SLIT3: variants seen among roughly 807,000 people sequenced by gnomAD.
The protein encoded by SLIT3 is slit homolog 3 protein.
SLIT3 carries 68 observed loss-of-function variants against 184.0 expected under a neutral mutation model. The ratio of observed to expected loss-of-function variants is 0.37; its 90% CI spans 0.30 to 0.45. The LOEUF (loss-of-function observed/expected upper bound fraction) is 0.45, where lower values mean the gene tolerates loss of function less well. Ranked by LOEUF, SLIT3 falls within the 20% of genes least tolerant of loss-of-function variation. SLIT3 has a pLI of 1.00. For synonymous variants in SLIT3, 831 were observed against 828.6 expected (o/e 1.00, Z -0.05); for missense variants, 1,707 against 2,026.0 (o/e 0.84, Z 3.02).
intron 4 of SLIT3, among the ~76,000 whole-genome samples, chr5:169,179,850 T>A (rs1041959046): frequency 2.0e-5 from 3 of 152,154 alleles, no homozygotes; most frequent in African/African-American, 7.2e-5. Context: ...TCTCATTTGC[T>A]CATTTCCAGA....
chr5:168,842,479 T>TGTTTTTG (rs1554147709), intron 6 of SLIT3, among the ~76,000 whole-genome samples: 1 of 145,542 alleles, frequency 6.9e-6, no homozygotes, highest in East Asian at 2.0e-4. Context: ...GTTTTTTTTT[T>TGTTTTTG]TTTTTTTTGT....
At chr5:168,861,538 C>T (rs1448228373) in intron 5 of SLIT3, among the ~76,000 whole-genome samples, 1 of 151,988 alleles carries the variant, frequency 6.6e-6, no homozygotes, top group African/African-American at 2.4e-5. Context: ...GTAAAATGGG[C>T]AAAGAAAGGA....
intron 4 of SLIT3, among the ~76,000 whole-genome samples, chr5:169,060,390 T>A (rs375724572): frequency 2.0e-5 from 3 of 151,174 alleles, no homozygotes; most frequent in Non-Finnish European, 4.4e-5. Flanking sequence ...AGACTCCATC[T>A]CAAACAAACA....
rs1292879189 is a variant in SLIT3 at position 169,187,543 on chromosome 5, TTTTC to T, written c.413+5932_413+5935del. 4.1e-3 allele frequency among the ~76,000 whole-genome samples: 502 copies of T among 121,314 alleles called. 6 individuals are homozygous for T. Among genetic ancestry groups the T allele is most frequent in the Admixed American group, 4.9e-3 (58 of 11,848 alleles). 79.6% of individuals were successfully genotyped at this position (121,314 alleles called of 152,430 possible). On this transcript the variant is annotated intron_variant, in intron 4 of 35. Coordinates refer to ENST00000519560, the MANE Select transcript of SLIT3 (RefSeq NM_003062.4). The stretch of plus-strand genomic sequence containing the variant: ...CAAGGATAAACTTTTTTTCTTTTCT[TTTTC>T]TTTCTTTCTTTCTTTTTTTTTTTTT...
intron 20 of SLIT3, among the ~76,000 whole-genome samples, chr5:168,735,270 T>C (rs1300244903): frequency 6.6e-6 from 1 of 152,168 alleles, no homozygotes; most frequent in Non-Finnish European, 1.5e-5. Flanking sequence ...CCATTCCTGT[T>C]TGGAGCTTTG....
chr5:168,932,809 CTA>C (rs1762035071), intron 4 of SLIT3, among the ~76,000 whole-genome samples: 1 of 152,356 alleles, frequency 6.6e-6, no homozygotes, highest in East Asian at 1.9e-4. Context: ...CATGTAAAGA[CTA>C]GCAGCCTAGG....
intron 10 of SLIT3, 64 bp downstream of exon 10, chr5:168,795,443 C>G (rs1226535426): frequency 1.6e-6 from 2 of 1,282,142 alleles, no homozygotes; most frequent in African/African-American, 2.9e-5. Flanking sequence ...TTGCCCACTA[C>G]ACATTGCAAA....
rs533272637 is a variant in SLIT3 at position 169,061,935 on chromosome 5, G to C, written c.413+131544C>G. On this transcript the variant is annotated intron_variant, in intron 4 of 35. Coordinates refer to ENST00000519560, the MANE Select transcript of SLIT3 (RefSeq NM_003062.4). ...AGACTGAGTCTATCCCACTGCCTTG[G>C]GGACAGTTAGAATTTACGCCACCCC... is the stretch of plus-strand genomic sequence containing the variant. Among the ~76,000 whole-genome samples, 416 of 152,244 alleles carry C rather than the reference G, an allele frequency of 2.7e-3. 1 individual carries two copies. The highest frequency in any genetic ancestry group is 9.5e-3 in the African/African-American group (394 of 41,544).
chr5:168,700,524 T>G, intron 27 of SLIT3, 58 bp downstream of exon 27: 1 of 1,201,608 alleles, frequency 8.3e-7, no homozygotes, highest in Non-Finnish European at 1.2e-6. Context: ...GGGTATGTCT[T>G]TATTAGCAGT....
In SLIT3 at chr5:168,684,052, G is replaced by T; in HGVS notation, c.3600C>A (p.Asp1200Glu). 6.2e-7 allele frequency: 1 copy of T among 1,607,958 alleles called. No homozygotes were observed. The highest frequency in any genetic ancestry group is 8.5e-7 in the Non-Finnish European group (1 of 1,176,946). ...ACAGCTCCAGTGCCAGGGGGTCATT[G>T]TCTCCTTTGTAGAGAAGGATGCCGT... ...KDNGILLYKG[D>E]NDPLALELYQ... Residue 1200 changes from aspartate (D) to glutamate (E), a missense_variant, in exon 32 of 36, where the codon GAC (aspartate) becomes GAA (glutamate). Coordinates refer to ENST00000519560, the MANE Select transcript of SLIT3 (RefSeq NM_003062.4).
intron 4 of SLIT3, among the ~76,000 whole-genome samples, chr5:169,152,907 GC>G (rs1203115437): frequency 6.6e-6 from 1 of 152,146 alleles, no homozygotes; most frequent in African/African-American, 2.4e-5. Context: ...GCCAAAGGGG[GC>G]TTCCCCCAAA....
At chr5:169,087,595 G>A (rs917183454) in intron 4 of SLIT3, among the ~76,000 whole-genome samples, 2 of 152,110 alleles carry the variant, frequency 1.3e-5, no homozygotes, top group African/African-American at 2.4e-5. Context: ...GCCACCCAGT[G>A]GAATATTATA....
intron 4 of SLIT3, among the ~76,000 whole-genome samples, chr5:169,023,350 A>C (rs937439733): frequency 2.0e-5 from 3 of 152,146 alleles, no homozygotes; most frequent in Admixed American, 6.5e-5. Context: ...GTCTGTGTGT[A>C]GAAATTTTTT....
chr5:168,747,531 C>T (rs1246842282), intron 20 of SLIT3, among the ~76,000 whole-genome samples: 1 of 152,148 alleles, frequency 6.6e-6, no homozygotes, highest in Non-Finnish European at 1.5e-5. Context: ...TGGTGCTCCT[C>T]TGGTCCTAGC....
intron 5 of SLIT3, among the ~76,000 whole-genome samples, chr5:168,852,214 G>C (rs1399029421): frequency 1.3e-5 from 2 of 152,202 alleles, no homozygotes; most frequent in Non-Finnish European, 2.9e-5. Context: ...AGGAAGAAGC[G>C]AGAAACTGGG....
chr5:168,968,972 C>T (rs1050384151), intron 4 of SLIT3, among the ~76,000 whole-genome samples: 3 of 152,106 alleles, frequency 2.0e-5, no homozygotes, highest in African/African-American at 4.8e-5. Flanking sequence ...TAGGGCAAAG[C>T]CTATTTGTTG....
intron 4 of SLIT3, among the ~76,000 whole-genome samples, chr5:169,044,592 G>T (rs1249165541): frequency 2.0e-5 from 3 of 151,434 alleles, no homozygotes; most frequent in Non-Finnish European, 4.4e-5. Context: ...GAAGGTGGGG[G>T]GGGGGATGGG....
chr5:168,854,499 G>A (rs1239681152), intron 5 of SLIT3, among the ~76,000 whole-genome samples: 1 of 152,182 alleles, frequency 6.6e-6, no homozygotes, highest in African/African-American at 2.4e-5. Flanking sequence ...GATCATGGAT[G>A]GGTGTCTGCA....
chr5:168,974,403 A>G (rs1754682232), intron 4 of SLIT3, among the ~76,000 whole-genome samples: 1 of 152,222 alleles, frequency 6.6e-6, no homozygotes, highest in South Asian at 2.1e-4. Flanking sequence ...CAGATCCCAA[A>G]AGAAAACAGA....
Sources: allele counts gnomAD v4.1 joint callset (sites outside exome capture counted in the v4.1 genomes callset), GRCh38; gene constraint gnomAD v4.1.1; transcripts MANE v1.5; gene names NCBI Gene and HGNC (gene_info 2026-07-23, HGNC 2026-07-21).